Variants in TNK2 observed in about 807,000 individuals in gnomAD.
TNK2 encodes activated CDC42 kinase 1.
A neutral mutation model predicts 101.8 loss-of-function variants in TNK2; 83 were observed. The ratio of observed to expected loss-of-function variants is 0.82; its 90% CI spans 0.68 to 0.98. The LOEUF is 0.98. Among genes scored for constraint, TNK2 ranks in the 50% least tolerant of loss-of-function variants. The pLI is 0.00. For missense variants in TNK2, 1,665 were observed against 1,483.2 expected, an observed-to-expected ratio of 1.12 and a Z score of -2.01; for synonymous variants, 804 against 633.0, an observed-to-expected ratio of 1.27 and a Z score of -4.06.
At chr3:195,883,114 G>T (rs374820359) in intron 5 of TNK2, 43 bp downstream of exon 5, 1 of 1,593,830 alleles carries the variant, frequency 6.3e-7, no homozygotes, top group Non-Finnish European at 8.5e-7. Context: ...ATATGGGACC[G>T]GAGCCCTCTC....
chr3:195,892,741 C>T (rs111519574), intron 1 of TNK2: 4 of 1,350,110 alleles, frequency 3.0e-6, no homozygotes, highest in Non-Finnish European at 3.8e-6. Flanking sequence ...CTCTCCAGGG[C>T]AGTGGTCACA....
At chr3:195,874,131 C>T (rs969506740) in intron 9 of TNK2, among the ~76,000 whole-genome samples, 5 of 152,218 alleles carry the variant, frequency 3.3e-5, no homozygotes, top group African/African-American at 1.2e-4. Context: ...ACGGGCTCCC[C>T]GGTGGCTGCC....
chr3:195,891,151 G>A (rs569919594), intron 1 of TNK2, among the ~76,000 whole-genome samples: 78 of 152,332 alleles, frequency 5.1e-4, no homozygotes, highest in African/African-American at 1.7e-3. Flanking sequence ...AAGCACAGTG[G>A]CTCACAGCTG....
At chr3:195,891,663 C>CA (rs1553915867) in intron 1 of TNK2, among the ~76,000 whole-genome samples, 1 of 152,102 alleles carries the variant, frequency 6.6e-6, no homozygotes, top group African/African-American at 2.4e-5. Context: ...GTGACCCCCC[C>CA]CCTCCAGGGC....
chr3:195,867,954 T>C lies in TNK2; in HGVS notation c.2344A>G (p.Ser782Gly). 6.5e-7 allele frequency: 1 copy of C among 1,545,236 alleles called. No homozygotes were observed. The highest frequency in any genetic ancestry group is 8.6e-7 in the Non-Finnish European group (1 of 1,157,790). Reference protein sequence around the residue: ...SPAPPGEEETSQWPGPASPPR... With the variant: ...SPAPPGEEETGQWPGPASPPR... Reference sequence around the variant, plus strand: ...GGGGAAGCAGGTCCAGGCCACTGGCTGGTCTCCTCCTCGCCCGGGGGGGCT... The same window carrying C: ...GGGGAAGCAGGTCCAGGCCACTGGCCGGTCTCCTCCTCGCCCGGGGGGGCT... Residue 782 changes from serine to glycine, a missense_variant, in exon 13 of 16, where the codon AGC (serine) becomes GGC (glycine). By Grantham distance (56) the Ser-to-Gly change is moderately conservative. Transcript: ENST00000672887.
chr3:195,898,786 C>T (rs1298515988), intron 1 of TNK2, among the ~76,000 whole-genome samples: 1 of 152,144 alleles, frequency 6.6e-6, no homozygotes, highest in Non-Finnish European at 1.5e-5. Flanking sequence ...CCACCATGTC[C>T]GGATGCCCTT....
At chr3:195,896,298 C>T (rs1240516420) in intron 1 of TNK2, 1 of 331,050 alleles carries the variant, frequency 3.0e-6, no homozygotes, top group Non-Finnish European at 6.0e-6. Context: ...GGCACCTTCC[C>T]TGGGTTGGGG....
In TNK2 at chr3:195,882,368, C is replaced by T. The variant is rs1469925698; in HGVS notation, c.610-40G>A. On this transcript the variant is annotated intron_variant, in intron 5 of 15. Coordinates refer to ENST00000672887, the MANE Select transcript of TNK2 (RefSeq NM_001382273.1). This position sits in a 1 kb window ranked among gnomAD's most constrained non-coding sequence, Gnocchi z 4.2. ...GAGGCAGGAGGAATGAGCTGGAGGA[C>T]CCTGCCCCTTCTCAGCAGCCCACGC... The T allele has an allele frequency of 6.2e-7, 1 of 1,605,020 alleles. No homozygotes were observed. Among genetic ancestry groups the T allele is most frequent in the Non-Finnish European group, 8.5e-7 (1 of 1,173,768 alleles).
intron 6 of TNK2, among the ~76,000 whole-genome samples, chr3:195,881,635 AC>A (rs10707803): frequency 0.22 from 6,615 of 29,466 alleles, 1,210 homozygotes; most frequent in African/African-American, 0.52. Context: ...TCCTTGTAAC[AC>A]CCCCCCCCCA....
intron 1 of TNK2, chr3:195,892,381 C>T: frequency 6.6e-7 from 1 of 1,519,236 alleles, no homozygotes; most frequent in Non-Finnish European, 8.8e-7. Flanking sequence ...CAACCAGTCC[C>T]CAGCAGTCCA....
Position 195,886,914 on chromosome 3 carries a change from A to G in TNK2, c.234+63T>C. On this transcript the variant is annotated intron_variant, in intron 3 of 15. Transcript: ENST00000672887. This position sits in a 1 kb window ranked among gnomAD's most constrained non-coding sequence, Gnocchi z 4.2. ...GGAGCTGGGGAAGGTTCCCAGGACC[A>G]GAAGCGGAGGGGGGCGTTCGAGGCT... 6.3e-7 allele frequency: 1 copy of G among 1,579,234 alleles called. No individual in the cohort carries two copies. Among genetic ancestry groups the G allele is most frequent in the Non-Finnish European group, 8.7e-7 (1 of 1,148,150 alleles).
intron 1 of TNK2, among the ~76,000 whole-genome samples, chr3:195,900,512 G>A (rs951617237): frequency 3.3e-5 from 5 of 152,194 alleles, no homozygotes; most frequent in Non-Finnish European, 5.9e-5. Context: ...CTGTGAAACC[G>A]TTTCATGCTC....
At chr3:195,877,931 AGAG>A (rs1560503863) in intron 9 of TNK2, among the ~76,000 whole-genome samples, 1 of 152,142 alleles carries the variant, frequency 6.6e-6, no homozygotes, top group African/African-American at 2.4e-5. Context: ...GGGGAGGAGC[AGAG>A]GAGGAAGCAC....
In TNK2 at chr3:195,878,273, G is replaced by A. The variant is rs770854654; in HGVS notation, c.1236C>T (p.Val412=). 8 of 1,614,004 alleles carry A rather than the reference G, an allele frequency of 5.0e-6. No individual in the cohort carries two copies. The highest frequency in any genetic ancestry group is 2.2e-5 in the South Asian group (2 of 91,068). ...PDKLHIQMND[V]ITVIEGRAEN... is the part of the protein sequence containing the mutation. ...CCTACCTTCCCTCGATGACGGTGATGACATCATTCATCTGGATGTGCAGCT... is the reference window on the plus strand; with the variant it reads ...CCTACCTTCCCTCGATGACGGTGATAACATCATTCATCTGGATGTGCAGCT... Residue 412 remains valine, a synonymous_variant, in exon 9 of 16, where the codon GTC becomes GTT. Transcript: ENST00000672887. This position sits in a 1 kb window ranked among gnomAD's most constrained non-coding sequence, Gnocchi z 4.7.
At chr3:195,873,271 G>A (rs566428999) in intron 9 of TNK2, among the ~76,000 whole-genome samples, 1 of 151,666 alleles carries the variant, frequency 6.6e-6, no homozygotes, top group South Asian at 2.1e-4. Flanking sequence ...GGCCTGGGCA[G>A]GGGCAGGGGC....
intron 1 of TNK2, among the ~76,000 whole-genome samples, chr3:195,891,398 C>T (rs1758376793): frequency 6.6e-6 from 1 of 152,266 alleles, no homozygotes; most frequent in African/African-American, 2.4e-5. Flanking sequence ...AAGAGCAAAA[C>T]TCCATCTCAA....
Position 195,868,248 on chromosome 3 carries a change from T to C in TNK2, c.2050A>G (p.Asn684Asp), listed in dbSNP as rs1437503575. The C allele has an allele frequency of 6.2e-7, 1 of 1,605,238 alleles. No individual in the cohort carries two copies. The highest frequency in any genetic ancestry group is 1.1e-5 in the South Asian group (1 of 91,042). The change falls in exon 13 of 16, where the codon AAC becomes GAC. Residue 684 changes from asparagine (N) to aspartate (D), a missense_variant. Around this residue, in one of 3 missense-constraint regions of TNK2, gnomAD observed 1,136 missense variants for 894.9 expected, o/e 1.27. Coordinates refer to ENST00000672887, the MANE Select transcript of TNK2 (RefSeq NM_001382273.1). ...VPAGPSQGQT[N>D]YAFVPEQARP... ...GCCTGCTCAGGCACAAAGGCGTAGT[T>C]GGTCTGGCCCTGGCTGGGCCCGGCA...
intron 10 of TNK2, among the ~76,000 whole-genome samples, chr3:195,871,523 G>A (rs1225423236): frequency 6.6e-6 from 1 of 151,620 alleles, no homozygotes; most frequent in African/African-American, 2.4e-5. Flanking sequence ...CGTGTGCAGG[G>A]GTCACAGGGT....
rs542507911 is a variant in TNK2, at chr3:195,878,096, C to G, written c.1256+157G>C. On this transcript the variant is annotated intron_variant, in intron 9 of 15. Coordinates refer to ENST00000672887, the MANE Select transcript of TNK2 (RefSeq NM_001382273.1). The surrounding 1 kb of genome is among the most constrained non-coding windows in gnomAD (Gnocchi z 4.7). ...GGGAAAGGCACTAGGAAGACGGAGG[C>G]AGGCCTGTCCTCCCCTCACACTGCA... is the stretch of plus-strand genomic sequence containing the variant. 3.9e-5 allele frequency among the ~76,000 whole-genome samples: 6 copies of G among 152,268 alleles called. No individual in the cohort carries two copies. The highest frequency in any genetic ancestry group is 1.3e-4 in the Admixed American group (2 of 15,300).
Sources: allele counts gnomAD v4.1 joint callset (sites outside exome capture counted in the v4.1 genomes callset), GRCh38; gene constraint gnomAD v4.1.1; regional missense constraint gnomAD v4.1.1; non-coding constraint Gnocchi (gnomAD v3.1); transcripts MANE v1.5; gene names NCBI Gene and HGNC (gene_info 2026-07-23, HGNC 2026-07-21).